The following CDK19 variants were observed in gnomAD, a reference collection of about 807,000 sequenced individuals.
The protein encoded by CDK19 is cyclin-dependent kinase 19.
CDK19 carries 20 observed loss-of-function variants against 68.3 expected under a neutral mutation model. That is an observed-to-expected ratio of 0.29 (90% CI 0.21 to 0.43). The LOEUF is 0.43. Among genes scored for constraint, CDK19 ranks in the 20% least tolerant of loss-of-function variants. The pLI is 1.00. For missense variants in CDK19, 339 were observed against 623.5 expected, an observed-to-expected ratio of 0.54 and a Z score of 4.86; for synonymous variants, 221 against 222.8, an observed-to-expected ratio of 0.99 and a Z score of 0.07.
At chr6:110,747,867 T>C (rs929060237) in intron 1 of CDK19, among the ~76,000 whole-genome samples, 9 of 152,208 alleles carry the variant, frequency 5.9e-5, no homozygotes, top group Admixed American at 5.9e-4. Flanking sequence ...CTGCAGGTGA[T>C]TGAATGTAAT....
chr6:110,680,417 T>C (rs1366274508), intron 2 of CDK19, among the ~76,000 whole-genome samples: 1 of 152,196 alleles, frequency 6.6e-6, no homozygotes, highest in East Asian at 1.9e-4. Flanking sequence ...ACCTTATTAG[T>C]AGTTATGTCC....
chr6:110,742,620 G>T (rs185128158), intron 2 of CDK19, among the ~76,000 whole-genome samples: 2 of 152,162 alleles, frequency 1.3e-5, no homozygotes, highest in Non-Finnish European at 2.9e-5. Flanking sequence ...CCTGGGGAAA[G>T]AATGCATTCC....
chr6:110,729,122 C>T (rs976741766), intron 2 of CDK19, among the ~76,000 whole-genome samples: 4 of 152,084 alleles, frequency 2.6e-5, no homozygotes, highest in African/African-American at 9.7e-5. Context: ...CCTATTTTTA[C>T]AGGTGAAAAG....
chr6:110,735,390 A>C (rs1272384338), intron 2 of CDK19, among the ~76,000 whole-genome samples: 1 of 152,192 alleles, frequency 6.6e-6, no homozygotes, highest in Admixed American at 6.5e-5. Context: ...TTTCAAGTAA[A>C]TTCTTGCATT....
At position 110,621,239 on chromosome 6, in the gene CDK19, G is replaced by C; in HGVS notation, c.1242C>G (p.Ala414=). The change falls in exon 12 of 13, where the codon GCC becomes GCG. Residue 414 remains alanine (A), a synonymous_variant. Coordinates refer to ENST00000368911, the MANE Select transcript of CDK19 (RefSeq NM_015076.5). The surrounding 1 kb of genome is among the most constrained non-coding windows in gnomAD (Gnocchi z 5.4). ...ACCCTGCTCCGGTGCCCCCGACCCC[G>C]GCCCCAGCCCCACCTGCGGTCCCGT... ...QTNGTAGGAG[A]GVGGTGAGLQ... 1 of 1,613,038 alleles carries C rather than the reference G, an allele frequency of 6.2e-7. No individual in the cohort carries two copies. The highest frequency in any genetic ancestry group is 8.5e-7 in the Non-Finnish European group (1 of 1,179,932).
At chr6:110,663,781 T>C (rs986393970) in intron 4 of CDK19, among the ~76,000 whole-genome samples, 1 of 152,188 alleles carries the variant, frequency 6.6e-6, no homozygotes, top group African/African-American at 2.4e-5. Flanking sequence ...TCCTCCTGCC[T>C]TGGCCTCCGA....
At chr6:110,778,410 G>A (rs1203523837) in intron 1 of CDK19, among the ~76,000 whole-genome samples, 2 of 152,040 alleles carry the variant, frequency 1.3e-5, no homozygotes, top group Non-Finnish European at 2.9e-5. Flanking sequence ...TTAATTCAAA[G>A]GTTAAAATAA....
At chr6:110,643,902 C>A (rs1780362987) in intron 4 of CDK19, among the ~76,000 whole-genome samples, 2 of 151,732 alleles carry the variant, frequency 1.3e-5, no homozygotes, top group African/African-American at 4.8e-5. Flanking sequence ...CATAGTGAGA[C>A]CCCATCTCAC....
chr6:110,704,439 T>C (rs1774269801), intron 2 of CDK19, among the ~76,000 whole-genome samples: 1 of 152,140 alleles, frequency 6.6e-6, no homozygotes, highest in Non-Finnish European at 1.5e-5. Flanking sequence ...CACCAACCCT[T>C]GTCTGCTTTT....
chr6:110,656,726 G>A (rs1781329114), intron 4 of CDK19, among the ~76,000 whole-genome samples: 1 of 152,170 alleles, frequency 6.6e-6, no homozygotes, highest in Admixed American at 6.5e-5. Context: ...GTAGTTACTG[G>A]CCTGGACAAC....
intron 4 of CDK19, among the ~76,000 whole-genome samples, chr6:110,655,791 C>A (rs1235231388): frequency 1.3e-5 from 2 of 152,180 alleles, no homozygotes; most frequent in African/African-American, 2.4e-5. Flanking sequence ...TGTCCTCAAA[C>A]CAACTCTCCA....
At chr6:110,645,888 G>A (rs1780532738) in intron 4 of CDK19, 8 of 755,348 alleles carry the variant, frequency 1.1e-5, no homozygotes, top group South Asian at 4.5e-5. Context: ...CGAAAACAGC[G>A]GCGACTCAGT....
intron 2 of CDK19, among the ~76,000 whole-genome samples, chr6:110,718,497 G>A (rs1020952914): frequency 1.1e-4 from 16 of 152,168 alleles, no homozygotes; most frequent in Non-Finnish European, 2.1e-4. Context: ...TGTATAGTGT[G>A]TAGAACAAAA....
Position 110,637,201 on chromosome 6 carries a change from T to A in CDK19, c.514+1448A>T, listed in dbSNP as rs1779836411. Among the ~76,000 whole-genome samples the A allele has an allele frequency of 2.0e-5, 3 of 152,242 alleles. No individual in the cohort carries two copies. The South Asian group carries it at 6.2e-4, about 32-fold the overall frequency. On this transcript the variant is annotated intron_variant, in intron 5 of 12. Coordinates refer to ENST00000368911, the MANE Select transcript of CDK19 (RefSeq NM_015076.5). ...GTATAGTAAACTGTTCATTTTACTG[T>A]CTCTCACAGAAGGGACCATCCTTTA... is the stretch of plus-strand genomic sequence containing the variant.
At chr6:110,798,806 GA>G (rs1404099935) in intron 1 of CDK19, among the ~76,000 whole-genome samples, 1 of 151,100 alleles carries the variant, frequency 6.6e-6, no homozygotes, top group East Asian at 1.9e-4. Context: ...AGACATGCAA[GA>G]ACTCAGAAAA....
At chr6:110,714,726 T>C (rs12189882) in intron 2 of CDK19, among the ~76,000 whole-genome samples, 546 of 24,418 alleles carry the variant, frequency 0.022, 5 homozygotes, top group Middle Eastern at 0.11. Context: ...TCTTTTCTTT[T>C]TTTTTTTTTT....
At chr6:110,623,000 T>A in intron 9 of CDK19, 88 bp from the exon 10 acceptor site, 1 of 851,272 alleles carries the variant, frequency 1.2e-6, no homozygotes, top group Non-Finnish European at 2.0e-6. Context: ...GTAACAGGAT[T>A]AATATAAAAT....
chr6:110,814,511 G>A (rs1370101425), intron 1 of CDK19: 3 of 439,728 alleles, frequency 6.8e-6, no homozygotes, highest in African/African-American at 2.0e-5. Flanking sequence ...CAGAGCCGTG[G>A]GGCTGGCGAG....
intron 4 of CDK19, among the ~76,000 whole-genome samples, chr6:110,650,543 T>C (rs1168952524): frequency 2.0e-5 from 3 of 152,166 alleles, no homozygotes; most frequent in African/African-American, 7.2e-5. Context: ...CAGGCATTGT[T>C]GGGAGTGGGA....
Sources: allele counts gnomAD v4.1 joint callset (sites outside exome capture counted in the v4.1 genomes callset), GRCh38; gene constraint gnomAD v4.1.1; non-coding constraint Gnocchi (gnomAD v3.1); transcripts MANE v1.5; gene names NCBI Gene and HGNC (gene_info 2026-07-23, HGNC 2026-07-21).